Variants in PTPRG observed in about 807,000 individuals in gnomAD.
PTPRG encodes protein tyrosine phosphatase receptor type G.
In PTPRG, 102 loss-of-function variants were observed where a neutral mutation model predicts 165.3. The ratio of observed to expected loss-of-function variants is 0.62; its 90% confidence interval spans 0.53 to 0.73. The LOEUF (loss-of-function observed/expected upper bound fraction) is 0.73. Among genes scored for constraint, PTPRG ranks in the 30% least tolerant of loss-of-function variants. The pLI is 0.00. For missense variants in PTPRG, 1,866 were observed against 1,861.4 expected (o/e 1.00, Z -0.05); for synonymous variants, 675 against 669.5 (o/e 1.01, Z -0.13).
chr3:61,841,323 C>T (rs997878542), intron 2 of PTPRG, among the ~76,000 whole-genome samples: 2 of 152,110 alleles, frequency 1.3e-5, no homozygotes, highest in Non-Finnish European at 2.9e-5. Flanking sequence ...TAAAGCGAGG[C>T]GGCCAGGTGC....
At chr3:61,876,057 G>C (rs1276560759) in intron 2 of PTPRG, among the ~76,000 whole-genome samples, 1 of 152,200 alleles carries the variant, frequency 6.6e-6, no homozygotes, top group African/African-American at 2.4e-5. Context: ...TGAGCATTTG[G>C]TAGCCCAATA....
chr3:61,867,179 C>G (rs947896067), intron 2 of PTPRG, among the ~76,000 whole-genome samples: 26 of 152,132 alleles, frequency 1.7e-4, no homozygotes, highest in African/African-American at 5.6e-4. Flanking sequence ...GATGGCGGCC[C>G]CACTGGGTGC....
At chr3:61,796,976 T>A (rs1019771386) in intron 2 of PTPRG, among the ~76,000 whole-genome samples, 2 of 152,164 alleles carry the variant, frequency 1.3e-5, no homozygotes, top group South Asian at 4.2e-4. Context: ...GGGTGAAGGG[T>A]TAGTTGTTGG....
At chr3:61,755,028 G>C (rs955840656) in intron 2 of PTPRG, among the ~76,000 whole-genome samples, 1 of 149,790 alleles carries the variant, frequency 6.7e-6, no homozygotes, top group African/African-American at 2.5e-5. Flanking sequence ...GTCTTACCCT[G>C]TTGCCCAGAT....
intron 5 of PTPRG, among the ~76,000 whole-genome samples, chr3:62,092,858 C>T (rs112758079): frequency 1.4e-4 from 21 of 152,274 alleles, no homozygotes; most frequent in African/African-American, 4.8e-4. Context: ...TTACCATGTA[C>T]AACAGTTGTG....
chr3:62,069,681 C>CTG lies in PTPRG; in HGVS notation c.520-8481_520-8480insGT, dbSNP rs1380390607. 7.3e-3 allele frequency among the ~76,000 whole-genome samples: 1,067 copies of CTG among 146,364 alleles called. 34 individuals are homozygous for CTG. The highest frequency in any genetic ancestry group is 9.7e-3 in the Non-Finnish European group (641 of 66,272). On this transcript the variant is annotated intron_variant, in intron 4 of 29. Transcript: ENST00000474889. ...TCTCTCTCTCTCTCTCTCTCTCTCT[C>CTG]TCTCACACACAGACACACGCACACA...
At chr3:62,108,198 C>T (rs866929714) in intron 5 of PTPRG, among the ~76,000 whole-genome samples, 12 of 152,078 alleles carry the variant, frequency 7.9e-5, no homozygotes, top group African/African-American at 2.7e-4. Context: ...CTCCCCCAGC[C>T]CCCCACCCCG....
chr3:61,621,051 A>ATATATATATATATATATATATGTGTG, intron 1 of PTPRG, among the ~76,000 whole-genome samples: 3 of 117,998 alleles, frequency 2.5e-5, no homozygotes, highest in East Asian at 2.8e-4. Flanking sequence ...ATATATATAT[A>ATATATATATATATATATATATGTGTG]TGTGTGTGTG....
At chr3:62,158,454 G>A (rs537981150) in intron 7 of PTPRG, among the ~76,000 whole-genome samples, 224 of 152,308 alleles carry the variant, frequency 1.5e-3, no homozygotes, top group African/African-American at 5.2e-3. Flanking sequence ...CAGTCTGATT[G>A]TTCTAGTACC....
chr3:61,981,219 G>A (rs1306071563), intron 2 of PTPRG, among the ~76,000 whole-genome samples: 1 of 152,052 alleles, frequency 6.6e-6, no homozygotes, highest in Non-Finnish European at 1.5e-5. Context: ...CAGGATGGGG[G>A]AAACCGCCCA....
At chr3:61,858,205 G>T (rs1387837509) in intron 2 of PTPRG, among the ~76,000 whole-genome samples, 1 of 152,138 alleles carries the variant, frequency 6.6e-6, no homozygotes, top group Admixed American at 6.6e-5. Context: ...CTTTTCTATA[G>T]TACTGAATAG....
chr3:61,849,080 A>T (rs2036886315), intron 2 of PTPRG, among the ~76,000 whole-genome samples: 3 of 152,156 alleles, frequency 2.0e-5, no homozygotes. Context: ...TGCAGTTGGG[A>T]CAAACCCATT....
chr3:62,263,593 TG>T (rs1483734091), intron 17 of PTPRG: 1 of 152,418 alleles, frequency 6.6e-6, no homozygotes, highest in Admixed American at 6.5e-5. Flanking sequence ...ACATATACCA[TG>T]GTAAGGACAT....
At chr3:61,577,150 T>G (rs920691243) in intron 1 of PTPRG, among the ~76,000 whole-genome samples, 4 of 152,244 alleles carry the variant, frequency 2.6e-5, no homozygotes, top group Non-Finnish European at 4.4e-5. Context: ...TCTCAAAATT[T>G]GAGTGGTCCT....
chr3:62,127,206 T>G (rs968671874), intron 5 of PTPRG, among the ~76,000 whole-genome samples: 1 of 152,184 alleles, frequency 6.6e-6, no homozygotes, highest in Non-Finnish European at 1.5e-5. Context: ...CTAACCAAAA[T>G]GCAAGGATGC....
chr3:61,845,962 G>C (rs185069979), intron 2 of PTPRG, among the ~76,000 whole-genome samples: 360 of 152,300 alleles, frequency 2.4e-3, no homozygotes, highest in African/African-American at 8.5e-3. Flanking sequence ...GGGTGCAGAA[G>C]ACTGAGGGAG....
intron 1 of PTPRG, among the ~76,000 whole-genome samples, chr3:61,678,008 C>T (rs1166880315): frequency 6.6e-6 from 1 of 152,162 alleles, no homozygotes; most frequent in African/African-American, 2.4e-5. Context: ...GGTAACACAA[C>T]ATGCTGTGTG....
At chr3:61,888,524 G>A (rs958928956) in intron 2 of PTPRG, among the ~76,000 whole-genome samples, 1 of 152,020 alleles carries the variant, frequency 6.6e-6, no homozygotes, top group African/African-American at 2.4e-5. Flanking sequence ...GTAGAGACGG[G>A]GTTTCACCGT....
intron 5 of PTPRG, among the ~76,000 whole-genome samples, chr3:62,122,963 G>A (rs946876679): frequency 6.6e-6 from 1 of 152,150 alleles, no homozygotes; most frequent in Non-Finnish European, 1.5e-5. Flanking sequence ...TTCTATGAGG[G>A]CAGAGCACTG....
Sources: gnomAD v4.1 joint callset for allele counts (sites outside exome capture counted in the v4.1 genomes callset) on GRCh38, gnomAD v4.1.1 for gene constraint, MANE v1.5 for transcripts, NCBI Gene and HGNC (gene_info 2026-07-23, HGNC 2026-07-21) for gene names.